ANXA4: variants seen among roughly 807,000 people sequenced by gnomAD.
ANXA4 encodes 35-beta calcimedin.
ANXA4 carries 39 observed loss-of-function variants against 49.8 expected under a neutral mutation model. That is an observed-to-expected ratio of 0.78 (90% CI 0.61 to 1.02). The LOEUF (loss-of-function observed/expected upper bound fraction) is 1.02, where lower values mean the gene tolerates loss of function less well. Ranked by LOEUF, ANXA4 falls within the 50% of genes least tolerant of loss-of-function variation. The pLI, the probability that ANXA4 is intolerant of heterozygous loss-of-function variation, is 0.00. For missense variants in ANXA4, 360 were observed against 410.1 expected (o/e 0.88, Z 1.05); for synonymous variants, 134 against 152.5 (o/e 0.88, Z 0.89).
At chr2:69,672,778 A>C (rs1677237456) in intron 2 of ANXA4, among the ~76,000 whole-genome samples, 2 of 152,150 alleles carry the variant, frequency 1.3e-5, no homozygotes, top group African/African-American at 2.4e-5. Context: ...CAACAGTGTT[A>C]ATCACTTTGT....
At chr2:69,721,151 C>T (rs936946783) in intron 3 of ANXA4, among the ~76,000 whole-genome samples, 14 of 152,226 alleles carry the variant, frequency 9.2e-5, no homozygotes, top group East Asian at 1.9e-4. Context: ...ATGGACTCTC[C>T]GAGCTGCCAC....
chr2:69,813,832 A>T (rs1412625409), intron 8 of ANXA4, among the ~76,000 whole-genome samples: 1 of 141,282 alleles, frequency 7.1e-6, no homozygotes. Flanking sequence ...ATCTCAGCTC[A>T]CCGCAACCTC....
chr2:69,661,304 G>GA, intron 2 of ANXA4, among the ~76,000 whole-genome samples: 1 of 149,700 alleles, frequency 6.7e-6, no homozygotes, highest in South Asian at 2.1e-4. Flanking sequence ...TCAGAAAGAA[G>GA]AAAATCAAAC....
At chr2:69,675,955 C>G (rs1403843451) in intron 2 of ANXA4, among the ~76,000 whole-genome samples, 1 of 148,762 alleles carries the variant, frequency 6.7e-6, no homozygotes, top group Non-Finnish European at 1.5e-5. Context: ...TGCAGTGAGC[C>G]GAGATTGTGC....
At position 69,807,900 on chromosome 2, in the gene ANXA4, G is replaced by A. The variant is rs1673514956; in HGVS notation, c.307-6G>A. 1.9e-6 allele frequency: 3 copies of A among 1,613,744 alleles called. No homozygotes were observed. Among genetic ancestry groups the A allele is most frequent in the Admixed American group, 1.7e-5 (1 of 59,992 alleles). ...ATATAGCCCTGTCCTCTGGTTTCTT[G>A]TTTAGGGAGCCGGCACTGATGAGGG... On this transcript the variant is annotated splice_region_variant and splice_polypyrimidine_tract_variant and intron_variant, in intron 5 of 12. Coordinates refer to ENST00000394295, the MANE Select transcript of ANXA4 (RefSeq NM_001153.5).
At chr2:69,643,838 A>G (rs933952781), upstream of ANXA4, 3 of 1,181,136 alleles carry the variant, frequency 2.5e-6, no homozygotes, top group African/African-American at 3.2e-5. Context: ...CGGCGCGGCG[A>G]GGGACCGGGG....
chr2:69,819,878 G>A (rs1674156458), intron 11 of ANXA4, among the ~76,000 whole-genome samples: 1 of 151,888 alleles, frequency 6.6e-6, no homozygotes, highest in Non-Finnish European at 1.5e-5. Flanking sequence ...GACCAGCCTG[G>A]CCGTCATGGT....
rs1292017763 is a variant in ANXA4 at position 69,769,588 on chromosome 2, T to C, written c.-46-11932T>C. ...CCCTGCCTTTTAGACAAAGCAATCA[T>C]TGGAGTAAAAACTGGCTTTGGCATG... On this transcript the variant is annotated intron_variant, in intron 1 of 12. Transcript: ENST00000394295. Among the ~76,000 whole-genome samples the C allele has an allele frequency of 5.9e-5, 9 of 152,312 alleles. No individual in the cohort carries two copies. The East Asian group carries it at 9.6e-4, about 16-fold the overall frequency.
intron 1 of ANXA4, among the ~76,000 whole-genome samples, chr2:69,755,524 T>C (rs551519537): frequency 1.1e-4 from 16 of 152,258 alleles, no homozygotes; most frequent in Admixed American, 1.0e-3. Flanking sequence ...AATAGTAGGA[T>C]AGCTTGAGCC....
chr2:69,826,314 G>T lies in ANXA4; in HGVS notation c.*799G>T, dbSNP rs1674469521. 1 of 152,560 alleles carries T rather than the reference G, an allele frequency of 6.6e-6. No individual in the cohort carries two copies. Among genetic ancestry groups the T allele is most frequent in the African/African-American group, 2.4e-5 (1 of 41,412 alleles). 9.5% of individuals were successfully genotyped at this position (152,560 alleles called of 1,614,324 possible). On this transcript the variant is annotated 3_prime_UTR_variant, in exon 13 of 13. Coordinates refer to ENST00000394295, the MANE Select transcript of ANXA4 (RefSeq NM_001153.5). ...GGAATGATGTAATGCTCTGAATTTAGTATGATATAAAGAAAACTTTTTTGT... is the reference window on the plus strand; with the variant it reads ...GGAATGATGTAATGCTCTGAATTTATTATGATATAAAGAAAACTTTTTTGT...
At position 69,644,826 on chromosome 2, in the gene ANXA4, G is replaced by A. The variant is rs138433389; in HGVS notation, n.402G>A. 42 of 152,254 alleles carry A rather than the reference G, an allele frequency of 2.8e-4. 1 individual carries two copies. Among genetic ancestry groups the A allele is most frequent in the African/African-American group, 9.6e-4 (40 of 41,492 alleles). The allele number at this position is 152,254 out of a possible 1,614,324, so 9.4% of individuals were successfully genotyped here. ...TCAAGATTCTTCCATTGATACTTAC[G>A]TTTCCCTGATACCGTCCAAGTGCTG... On this transcript the variant is annotated non_coding_transcript_exon_variant, in exon 1 of 4. Transcript: ENST00000418066.
intron 2 of ANXA4, among the ~76,000 whole-genome samples, chr2:69,708,329 C>G (rs1233523768): frequency 2.6e-5 from 4 of 152,178 alleles, no homozygotes; most frequent in Admixed American, 6.5e-5. Flanking sequence ...CCGCAACTCT[C>G]TACGGACACG....
intron 1 of ANXA4, among the ~76,000 whole-genome samples, chr2:69,757,280 T>A (rs866128404): frequency 4.7e-4 from 54 of 115,646 alleles, no homozygotes; most frequent in African/African-American, 2.3e-3. Context: ...TTTTTTTTTT[T>A]TTTTTTTTTA....
chr2:69,819,729 C>G (rs10166636), intron 11 of ANXA4, among the ~76,000 whole-genome samples: 20,473 of 151,946 alleles, frequency 0.13, 3,613 homozygotes, highest in African/African-American at 0.38. Flanking sequence ...AACCCTCCAT[C>G]GTACTCTGCA....
At chr2:69,717,258 A>C (rs1043770456) in intron 2 of ANXA4, among the ~76,000 whole-genome samples, 1 of 152,172 alleles carries the variant, frequency 6.6e-6, no homozygotes, top group Admixed American at 6.5e-5. Context: ...TTGCCTGCCT[A>C]TGCCTTCAAA....
At position 69,731,399 on chromosome 2, in the gene ANXA4, A is replaced by T. The variant is rs538075761; in HGVS notation, n.864+10528A>T. Among the ~76,000 whole-genome samples, 13 of 152,352 alleles carry T rather than the reference A, an allele frequency of 8.5e-5. No homozygotes were observed. The East Asian group carries it at 2.5e-3, about 29-fold the overall frequency. On this transcript the variant is annotated intron_variant and non_coding_transcript_variant, in intron 3 of 3. Transcript: ENST00000418066. Reference sequence around the variant, plus strand: ...TGAAAGCTCTACTACAAAAACCTGTATGAAAGAGCTGAGTGATGATGCTGA... The same window carrying T: ...TGAAAGCTCTACTACAAAAACCTGTTTGAAAGAGCTGAGTGATGATGCTGA...
At chr2:69,717,720 TG>T (rs1385840183) in intron 2 of ANXA4, among the ~76,000 whole-genome samples, 3 of 152,338 alleles carry the variant, frequency 2.0e-5, no homozygotes, top group African/African-American at 7.2e-5. Context: ...CACAAAGCCT[TG>T]CCTCTGCAGC....
chr2:69,814,793 TGAGA>T (rs374780818), intron 8 of ANXA4: 3,463 of 43,930 alleles, frequency 0.079, 62 homozygotes, highest in African/African-American at 0.12. Flanking sequence ...TGTGTGTGTG[TGAGA>T]GAAAGAGAGA....
chr2:69,694,334 A>C (rs1678082304), intron 2 of ANXA4, among the ~76,000 whole-genome samples: 1 of 151,308 alleles, frequency 6.6e-6, no homozygotes, highest in Admixed American at 6.6e-5. Flanking sequence ...TGGTGCCTTG[A>C]CTTTGATCCA....
Sources: allele counts gnomAD v4.1 joint callset (sites outside exome capture counted in the v4.1 genomes callset), GRCh38; gene constraint gnomAD v4.1.1; transcripts MANE v1.5; gene names NCBI Gene and HGNC (gene_info 2026-07-23, HGNC 2026-07-21).